FOXP2: variants seen among roughly 807,000 people sequenced by gnomAD.
FOXP2 encodes forkhead box P2, also known as forkhead box protein P2.
FOXP2 carries 12 observed loss-of-function variants against 115.8 expected under a neutral mutation model. The ratio of observed to expected loss-of-function variants is 0.10; its 90% CI spans 0.07 to 0.17. The LOEUF (loss-of-function observed/expected upper bound fraction) is 0.17. FOXP2 is among the 10% of genes least tolerant of loss of function. The pLI is 1.00. For missense variants in FOXP2, 629 were observed against 843.5 expected (o/e 0.75, Z 3.15); for synonymous variants, 328 against 297.7 (o/e 1.10, Z -1.05).
intron 1 of FOXP2, among the ~76,000 whole-genome samples, chr7:114,194,227 T>G (rs1793841149): frequency 1.3e-5 from 2 of 152,164 alleles, no homozygotes; most frequent in African/African-American, 4.8e-5. Flanking sequence ...GTATCTTTTC[T>G]TTGGCACTTG....
At chr7:114,444,572 T>C (rs1210235292) in intron 2 of FOXP2, among the ~76,000 whole-genome samples, 2 of 152,186 alleles carry the variant, frequency 1.3e-5, no homozygotes, top group African/African-American at 4.8e-5. Flanking sequence ...ATGAATTGTT[T>C]TCCAAAAGAA....
chr7:114,626,740 A>AT (rs35624480), intron 3 of FOXP2, among the ~76,000 whole-genome samples: 18,818 of 151,482 alleles, frequency 0.12, 1,361 homozygotes, highest in African/African-American at 0.19. Context: ...AGATTGATAC[A>AT]TTTTTTTTCT....
At chr7:114,148,262 C>T (rs1792431639) in intron 1 of FOXP2, among the ~76,000 whole-genome samples, 1 of 152,180 alleles carries the variant, frequency 6.6e-6, no homozygotes, top group African/African-American at 2.4e-5. Context: ...ATTGAGTCTT[C>T]TCATCCAGGT....
intron 2 of FOXP2, among the ~76,000 whole-genome samples, chr7:114,370,857 A>G (rs1791986946): frequency 6.6e-6 from 1 of 152,168 alleles, no homozygotes; most frequent in Non-Finnish European, 1.5e-5. Context: ...TCAGTCAAAG[A>G]AATAATATAA....
At chr7:114,232,824 A>C (rs1450703829) in intron 1 of FOXP2, among the ~76,000 whole-genome samples, 1 of 152,108 alleles carries the variant, frequency 6.6e-6, no homozygotes, top group Non-Finnish European at 1.5e-5. Flanking sequence ...AAAAAAAAAA[A>C]AAAATTGTTC....
chr7:114,589,745 A>G (rs1328449032), intron 3 of FOXP2, among the ~76,000 whole-genome samples: 1 of 152,076 alleles, frequency 6.6e-6, no homozygotes. Context: ...TCCCCTGATG[A>G]TTGTACCATG....
intron 2 of FOXP2, among the ~76,000 whole-genome samples, chr7:114,448,126 A>C (rs1385852880): frequency 6.6e-6 from 1 of 152,126 alleles, no homozygotes; most frequent in Non-Finnish European, 1.5e-5. Flanking sequence ...AAAACCCATT[A>C]TTGGTAATTT....
At chr7:114,308,999 A>G (rs1177575795) in intron 2 of FOXP2, among the ~76,000 whole-genome samples, 1 of 152,190 alleles carries the variant, frequency 6.6e-6, no homozygotes, top group African/African-American at 2.4e-5. Flanking sequence ...TCAAATTTCT[A>G]CATATCTTGT....
At chr7:114,367,968 T>G (rs1791920278) in intron 2 of FOXP2, among the ~76,000 whole-genome samples, 1 of 152,160 alleles carries the variant, frequency 6.6e-6, no homozygotes, top group South Asian at 2.1e-4. Context: ...CTCATAAAAA[T>G]TAAGTACTAC....
chr7:114,305,259 G>A (rs181926587), intron 2 of FOXP2, among the ~76,000 whole-genome samples: 4 of 152,068 alleles, frequency 2.6e-5, no homozygotes, highest in Non-Finnish European at 5.9e-5. Context: ...AGCTTTAAAC[G>A]TTCATTGAAA....
At chr7:114,579,899 A>C (rs187615644) in intron 3 of FOXP2, among the ~76,000 whole-genome samples, 2 of 152,298 alleles carry the variant, frequency 1.3e-5, no homozygotes, top group Non-Finnish European at 2.9e-5. Context: ...GTAATTTAGG[A>C]TTCAAAAATC....
chr7:114,585,584 AG>A (rs1037117604), intron 3 of FOXP2, among the ~76,000 whole-genome samples: 5 of 148,974 alleles, frequency 3.4e-5, no homozygotes, highest in African/African-American at 1.2e-4. Context: ...AAAAAAAAAA[AG>A]CCAGGCATGG....
intron 2 of FOXP2, among the ~76,000 whole-genome samples, chr7:114,333,474 A>G (rs955206723): frequency 6.6e-6 from 1 of 152,196 alleles, no homozygotes; most frequent in Non-Finnish European, 1.5e-5. Flanking sequence ...TTATGAGGCC[A>G]AGTGTGGGTG....
At chr7:114,626,551 C>G (rs923599967) in intron 3 of FOXP2, among the ~76,000 whole-genome samples, 1 of 146,926 alleles carries the variant, frequency 6.8e-6, no homozygotes, top group Non-Finnish European at 1.5e-5. Flanking sequence ...CTCTCTCTCT[C>G]TGTCTCTCTC....
intron 1 of FOXP2, among the ~76,000 whole-genome samples, chr7:114,196,138 G>T (rs1219530635): frequency 2.0e-5 from 3 of 151,922 alleles, no homozygotes; most frequent in Admixed American, 1.3e-4. Flanking sequence ...TCAGCCTCCC[G>T]AGTAGCTGGG....
intron 1 of FOXP2, among the ~76,000 whole-genome samples, chr7:114,176,169 G>A (rs1793282957): frequency 6.8e-6 from 1 of 147,178 alleles, no homozygotes; most frequent in Admixed American, 7.0e-5. Context: ...ACACAGGTTT[G>A]ATTTCTCTTT....
intron 2 of FOXP2, among the ~76,000 whole-genome samples, chr7:114,318,884 T>C (rs890236706): frequency 8.5e-5 from 13 of 152,122 alleles, no homozygotes; most frequent in Non-Finnish European, 1.6e-4. Flanking sequence ...TCTGAAAATA[T>C]CTGTAAATAA....
chr7:114,258,443 T>C (rs1042382069), intron 1 of FOXP2, among the ~76,000 whole-genome samples: 2 of 152,152 alleles, frequency 1.3e-5, no homozygotes, highest in South Asian at 4.1e-4. Flanking sequence ...TTGAAAAGCA[T>C]AGGATTAGAG....
rs545646763 is a variant in FOXP2 at position 114,102,594 on chromosome 7, T to TA, written c.-247+14768dup. ...ATTTTTATTCAACCATTTAAACATGTAAAAAAAAAAAACCCATTCTTACCT... is the reference window on the plus strand; with the variant it reads ...ATTTTTATTCAACCATTTAAACATGTAAAAAAAAAAAAACCCATTCTTACCT... On this transcript the variant is annotated intron_variant, in intron 1 of 19. Transcript: ENST00000635638. Among the ~76,000 whole-genome samples, 724 of 141,136 alleles carry TA rather than the reference T, an allele frequency of 5.1e-3. 3 individuals carry two copies. Among genetic ancestry groups the TA allele is most frequent in the East Asian group, 0.02 (99 of 4,928 alleles). The allele number at this position is 141,136 out of a possible 152,430, so 92.6% of individuals were successfully genotyped here.
Sources: gnomAD v4.1 joint callset for allele counts (sites outside exome capture counted in the v4.1 genomes callset) on GRCh38, gnomAD v4.1.1 for gene constraint, MANE v1.5 for transcripts, NCBI Gene and HGNC (gene_info 2026-07-23, HGNC 2026-07-21) for gene names.